Variants in SLC43A1 observed in about 807,000 individuals in gnomAD.
The protein encoded by SLC43A1 is solute carrier family 43 member 1.
A neutral mutation model predicts 59.5 loss-of-function variants in SLC43A1; 31 were observed. The observed-to-expected ratio is 0.52, with a 90% CI of 0.39 to 0.70. The LOEUF is 0.70. Among genes scored for constraint, SLC43A1 ranks in the 30% least tolerant of loss-of-function variants. The pLI, the probability that SLC43A1 is intolerant of heterozygous loss-of-function variation, is 0.00. For synonymous variants in SLC43A1, 259 were observed against 290.9 expected (o/e 0.89, Z 1.12); for missense variants, 598 against 717.8 (o/e 0.83, Z 1.91).
rs770180709 is a variant in SLC43A1 at position 57,497,742 on chromosome 11, T to G, written c.558+11A>C. The G allele has an allele frequency of 1.2e-6, 2 of 1,608,108 alleles. No individual in the cohort carries two copies. Among genetic ancestry groups the G allele is most frequent in the African/African-American group, 2.7e-5 (2 of 74,876 alleles). ...TGTCAAGACAAAAAGAAAACCCAGG[T>G]GGCCTCATACCTTGATTCCTGGGAA... On this transcript the variant is annotated intron_variant, in intron 6 of 14. Transcript: ENST00000278426.
chr11:57,485,154 T>C lies in SLC43A1; in HGVS notation c.1622A>G (p.Tyr541Cys). ...CAGTGGGCCCATCCCATTGGCGGCG[T>C]ACTCCTGCTGGAGCCGGGCACGGTA... ...FYYRARLQQE[Y>C]AANGMGPLKV... The change falls in exon 15 of 15, where the codon TAC becomes TGC. Residue 541 changes from tyrosine (Y) to cysteine (C), a missense_variant. By Grantham distance (194) the Tyr-to-Cys change is radical (BLOSUM62 -2). Coordinates refer to ENST00000278426, the MANE Select transcript of SLC43A1 (RefSeq NM_003627.6). The C allele has an allele frequency of 6.2e-7, 1 of 1,614,066 alleles. No homozygotes were observed. The highest frequency in any genetic ancestry group is 2.2e-5 in the East Asian group (1 of 44,864).
intron 2 of SLC43A1, among the ~76,000 whole-genome samples, chr11:57,507,016 T>C (rs1164219603): frequency 2.0e-5 from 3 of 152,142 alleles, no homozygotes; most frequent in African/African-American, 7.2e-5. Flanking sequence ...CCAAAGTTGA[T>C]ACTAGTGAAT....
intron 14 of SLC43A1, among the ~76,000 whole-genome samples, chr11:57,486,667 G>T (rs1194448899): frequency 6.6e-6 from 1 of 151,460 alleles, no homozygotes. Flanking sequence ...AAATTAGCTG[G>T]GCGTGGTGGT....
chr11:57,485,067 T>C lies in SLC43A1; in HGVS notation c.*29A>G. ...TTTGGTTGCTCAGGCCTTGATTGCC[T>C]GTCATCCAGGTCCCTTGGTCTGAGA... On this transcript the variant is annotated 3_prime_UTR_variant, in exon 15 of 15. Transcript: ENST00000278426. The C allele has an allele frequency of 2.5e-6, 4 of 1,592,018 alleles. No individual in the cohort carries two copies. Among genetic ancestry groups the C allele is most frequent in the Non-Finnish European group, 2.6e-6 (3 of 1,170,708 alleles).
chr11:57,503,976 A>G (rs1403109209), intron 2 of SLC43A1, among the ~76,000 whole-genome samples: 2 of 152,210 alleles, frequency 1.3e-5, no homozygotes, highest in South Asian at 2.1e-4. Flanking sequence ...GGTAAATCAC[A>G]AAGTCAGGAG....
rs770886647 is a variant in SLC43A1 at position 57,491,868 on chromosome 11, G to A, written c.872-6C>T. 5 of 1,613,664 alleles carry A rather than the reference G, an allele frequency of 3.1e-6. No individual in the cohort carries two copies. In the African/African-American group the frequency reaches 5.3e-5, roughly 17 times the overall value. ...CTTGCGTAAGGGGACAGACCCTGGG[G>A]AGACAGCAGGGGGCGCCCCTGAGCC... On this transcript the variant is annotated splice_region_variant and splice_polypyrimidine_tract_variant and intron_variant, in intron 8 of 14. Coordinates refer to ENST00000278426, the MANE Select transcript of SLC43A1 (RefSeq NM_003627.6).
intron 13 of SLC43A1, among the ~76,000 whole-genome samples, chr11:57,488,175 C>T (rs1158956561): frequency 6.6e-6 from 1 of 152,106 alleles, no homozygotes; most frequent in East Asian, 1.9e-4. Context: ...AAGGCTGCCA[C>T]AATAATCCAG....
At chr11:57,492,587 A>C (rs1943960328) in intron 8 of SLC43A1, among the ~76,000 whole-genome samples, 1 of 136,678 alleles carries the variant, frequency 7.3e-6, no homozygotes, top group South Asian at 2.2e-4. Context: ...AAAATAAGCC[A>C]GGCATGGTTG....
At chr11:57,489,200 CT>C in intron 12 of SLC43A1, 50 bp downstream of exon 12, 2 of 1,609,796 alleles carry the variant, frequency 1.2e-6, no homozygotes, top group Non-Finnish European at 1.7e-6. Flanking sequence ...TGGACCATCC[CT>C]TTGGAGGAGC....
rs1301036070 is a variant in SLC43A1, at chr11:57,487,188, T to A, written c.1440A>T (p.Thr480=). The change falls in exon 14 of 15, where the codon ACA becomes ACT. Residue 480 remains threonine, a synonymous_variant. Coordinates refer to ENST00000278426, the MANE Select transcript of SLC43A1 (RefSeq NM_003627.6). Reference sequence around the variant, plus strand: ...CAGCACTGATGAGGGACTGCAGGCCTGTCAGCGTCCCAAAGTGGTTGGATG... The same window carrying A: ...CAGCACTGATGAGGGACTGCAGGCCAGTCAGCGTCCCAAAGTGGTTGGATG... ...VFPSNHFGTL[T]GLQSLISAVF... The A allele has an allele frequency of 1.2e-6, 2 of 1,613,872 alleles. No homozygotes were observed. Among genetic ancestry groups the A allele is most frequent in the South Asian group, 2.2e-5 (2 of 91,068 alleles).
At position 57,515,036 on chromosome 11, in the gene SLC43A1, G is replaced by A; in HGVS notation, c.-14+408C>T. On this transcript the variant is annotated intron_variant, in intron 1 of 14. Coordinates refer to ENST00000278426, the MANE Select transcript of SLC43A1 (RefSeq NM_003627.6). This position sits in a 1 kb window ranked among gnomAD's most constrained non-coding sequence, Gnocchi z 5.3. ...CGCGGGGGCGGGGAGCGACAACTGGGATGAGACCGAGGAAAGCGGAGAGGA... is the reference window on the plus strand; with the variant it reads ...CGCGGGGGCGGGGAGCGACAACTGGAATGAGACCGAGGAAAGCGGAGAGGA... 1.0e-6 allele frequency: 1 copy of A among 985,266 alleles called. No homozygotes were observed. Among genetic ancestry groups the A allele is most frequent in the Non-Finnish European group, 1.2e-6 (1 of 829,906 alleles). The allele number at this position is 985,266 out of a possible 1,614,324, so 61.0% of individuals were successfully genotyped here. A position where few individuals can be genotyped will look rare whatever the true frequency, so the allele number is the denominator to read the frequency against.
At chr11:57,506,597 C>A (rs999178188) in intron 2 of SLC43A1, among the ~76,000 whole-genome samples, 1 of 152,144 alleles carries the variant, frequency 6.6e-6, no homozygotes, top group African/African-American at 2.4e-5. Context: ...TGGCTGGATT[C>A]CCCCAGGAGA....
chr11:57,509,013 G>A (rs1944460384), intron 2 of SLC43A1, among the ~76,000 whole-genome samples: 1 of 151,968 alleles, frequency 6.6e-6, no homozygotes, highest in Non-Finnish European at 1.5e-5. Flanking sequence ...CTACTCAGGA[G>A]TCTGAGGCAG....
rs1201901997 is a variant in SLC43A1 at position 57,494,005 on chromosome 11, T to G, written c.859A>C (p.Asn287His). ...SPQDVRGTSE[N>H]LPERSVPLRK... ...ACCAGACACTCACTCTCAGGAAGGT[T>G]TTCTGAGGTGCCCCGAACATCCTGG... is the stretch of plus-strand genomic sequence containing the variant. Residue 287 changes from asparagine to histidine, a missense_variant, in exon 8 of 15, where the codon AAC (asparagine) becomes CAC (histidine). Coordinates refer to ENST00000278426, the MANE Select transcript of SLC43A1 (RefSeq NM_003627.6). 6.3e-7 allele frequency: 1 copy of G among 1,595,032 alleles called. No homozygotes were observed. The highest frequency in any genetic ancestry group is 8.5e-7 in the Non-Finnish European group (1 of 1,172,252).
intron 2 of SLC43A1, among the ~76,000 whole-genome samples, chr11:57,504,670 G>A (rs1315865086): frequency 2.0e-5 from 3 of 152,208 alleles, no homozygotes; most frequent in Non-Finnish European, 2.9e-5. Flanking sequence ...AATCTCCAAA[G>A]TCAACAGTTT....
In SLC43A1 at chr11:57,505,519, C is replaced by T. The variant is rs554500498; in HGVS notation, c.155-4190G>A. ...AGAGAGAGACTCCATCTAAAAAAAA[C>T]TAACAACAACAAAAAAAATAACAAA... is the stretch of plus-strand genomic sequence containing the variant. On this transcript the variant is annotated intron_variant, in intron 2 of 14. Transcript: ENST00000278426. 7.3e-4 allele frequency among the ~76,000 whole-genome samples: 110 copies of T among 149,848 alleles called. 1 individual carries two copies. The South Asian group carries it at 0.021, about 28-fold the overall frequency.
rs1174990247 is a variant in SLC43A1, at chr11:57,514,282, G to A, written c.-13-158C>T. ...GCTTCCCAGCCGGTGCCAAGGAGCT[G>A]GCTCCGCGCGCACTAGCAGTGCCAG... is the stretch of plus-strand genomic sequence containing the variant. On this transcript the variant is annotated intron_variant, in intron 1 of 14. Coordinates refer to ENST00000278426, the MANE Select transcript of SLC43A1 (RefSeq NM_003627.6). This position sits in a 1 kb window ranked among gnomAD's most constrained non-coding sequence, Gnocchi z 5.5. 5 of 817,126 alleles carry A rather than the reference G, an allele frequency of 6.1e-6. No homozygotes were observed. The highest frequency in any genetic ancestry group is 2.7e-5 in the East Asian group (1 of 36,954). 50.6% of individuals were successfully genotyped at this position (817,126 alleles called of 1,614,324 possible).
rs1943715955 is a variant in SLC43A1, at chr11:57,485,956, G to A, written c.1534-714C>T. 4.6e-5 allele frequency among the ~76,000 whole-genome samples: 7 copies of A among 152,386 alleles called. No homozygotes were observed. The South Asian group carries it at 1.4e-3, about 32-fold the overall frequency. The stretch of plus-strand genomic sequence containing the variant: ...AGGGCAGATGAAAGATCAGCGTCAG[G>A]GAGGCAGATGAGTTCAATGTAAGGA... On this transcript the variant is annotated intron_variant, in intron 14 of 14. Coordinates refer to ENST00000278426, the MANE Select transcript of SLC43A1 (RefSeq NM_003627.6).
At chr11:57,508,905 C>T (rs1944457655) in intron 2 of SLC43A1, among the ~76,000 whole-genome samples, 1 of 151,772 alleles carries the variant, frequency 6.6e-6, no homozygotes, top group Non-Finnish European at 1.5e-5. Context: ...TCACTTGAGG[C>T]CGGGAGTTCC....
Sources: gnomAD v4.1 joint callset for allele counts (sites outside exome capture counted in the v4.1 genomes callset) on GRCh38, gnomAD v4.1.1 for gene constraint, Gnocchi (gnomAD v3.1) non-coding constraint, MANE v1.5 for transcripts, NCBI Gene and HGNC (gene_info 2026-07-23, HGNC 2026-07-21) for gene names.